CEP192: variants seen among roughly 807,000 people sequenced by gnomAD.
The protein encoded by CEP192 is centrosomal protein 192.
CEP192 carries 151 observed loss-of-function variants against 271.8 expected under a neutral mutation model. The observed-to-expected ratio is 0.56, with a 90% CI of 0.49 to 0.64. CEP192 has a LOEUF of 0.64. Ranked by LOEUF, CEP192 falls within the 30% of genes least tolerant of loss-of-function variation. CEP192 has a pLI of 0.00. For synonymous variants in CEP192, 995 were observed against 1,076.5 expected (o/e 0.92, Z 1.48); for missense variants, 2,910 against 3,020.5 (o/e 0.96, Z 0.86).
In CEP192 at chr18:13,092,397, C is replaced by T. The variant is rs766216559; in HGVS notation, c.6124C>T (p.Pro2042Ser). 9 of 1,599,864 alleles carry T rather than the reference C, an allele frequency of 5.6e-6. No homozygotes were observed. The South Asian group carries it at 1.0e-4, about 18-fold the overall frequency. ...VTEVYDLPQR[P>S]NDVQLFYGSM... Reference sequence around the variant, plus strand: ...TTCAGTATATGATCTTCCCCAACGACCTAATGATGTTCAGCTCTTTTATGG... The same window carrying T: ...TTCAGTATATGATCTTCCCCAACGATCTAATGATGTTCAGCTCTTTTATGG... The change falls in exon 34 of 45, where the codon CCT becomes TCT. Residue 2042 changes from proline to serine, a missense_variant. Physicochemically the swap from Pro to Ser is moderately conservative, Grantham distance 74. Coordinates refer to ENST00000506447, the MANE Select transcript of CEP192 (RefSeq NM_032142.4).
At chr18:13,054,764 A>G (rs2036990717) in intron 18 of CEP192, among the ~76,000 whole-genome samples, 1 of 152,228 alleles carries the variant, frequency 6.6e-6, no homozygotes, top group Non-Finnish European at 1.5e-5. Context: ...AGCTTTGGCC[A>G]GGAGAAATTT....
At chr18:12,995,358 C>G (rs1047516550) in intron 1 of CEP192, among the ~76,000 whole-genome samples, 6 of 152,096 alleles carry the variant, frequency 3.9e-5, no homozygotes, top group African/African-American at 1.4e-4. Context: ...GCCACCACGC[C>G]CGGCCTCATG....
At chr18:13,121,031 C>A (rs2040633707) in intron 44 of CEP192, among the ~76,000 whole-genome samples, 1 of 152,184 alleles carries the variant, frequency 6.6e-6, no homozygotes, top group African/African-American at 2.4e-5. Flanking sequence ...AGTGACAGTT[C>A]TTACCACAGA....
chr18:13,023,048 T>G (rs188902783), intron 9 of CEP192, among the ~76,000 whole-genome samples: 1 of 152,316 alleles, frequency 6.6e-6, no homozygotes, highest in East Asian at 1.9e-4. Context: ...GCTGTCATCT[T>G]TTATTAGTTC....
At chr18:13,044,763 A>G (rs2036386994) in intron 15 of CEP192, among the ~76,000 whole-genome samples, 1 of 152,044 alleles carries the variant, frequency 6.6e-6, no homozygotes, top group African/African-American at 2.4e-5. Flanking sequence ...TCTTTCTTAT[A>G]ATGTTCTTGT....
At chr18:12,999,655 C>G in intron 2 of CEP192, 67 bp downstream of exon 2, 1 of 1,177,192 alleles carries the variant, frequency 8.5e-7, no homozygotes, top group Non-Finnish European at 1.1e-6. Flanking sequence ...TATTTATGTT[C>G]TGTTTCTCAG....
intron 11 of CEP192, among the ~76,000 whole-genome samples, chr18:13,035,398 C>T (rs542861077): frequency 1.4e-4 from 21 of 152,248 alleles, no homozygotes; most frequent in Admixed American, 1.0e-3. Flanking sequence ...CAAAAGGCAC[C>T]TCTTACATGG....
At chr18:12,992,484 G>A (rs767458801) in intron 1 of CEP192, among the ~76,000 whole-genome samples, 31 of 152,062 alleles carry the variant, frequency 2.0e-4, no homozygotes, top group Admixed American at 6.5e-5. Context: ...TGAAATTTGA[G>A]GTCACTACTT....
At chr18:13,010,863 G>T (rs546376246) in intron 4 of CEP192, among the ~76,000 whole-genome samples, 25 of 151,206 alleles carry the variant, frequency 1.7e-4, no homozygotes, top group African/African-American at 6.1e-4. Context: ...AAAAAAAAAA[G>T]TTGTACAAAT....
At chr18:12,991,927 G>T (rs1402128051) in intron 1 of CEP192, among the ~76,000 whole-genome samples, 1 of 151,972 alleles carries the variant, frequency 6.6e-6, no homozygotes, top group Non-Finnish European at 1.5e-5. Flanking sequence ...TTAACTTAAT[G>T]CCCTTGTCTT....
intron 30 of CEP192, among the ~76,000 whole-genome samples, chr18:13,078,627 TTTGTTG>T (rs376534007): frequency 2.1e-3 from 317 of 152,074 alleles, no homozygotes; most frequent in African/African-American, 4.0e-3. Context: ...TCGCCATTCT[TTTGTTG>T]TTGTTGTTGT....
chr18:12,996,475 G>T (rs2033248386), intron 1 of CEP192, among the ~76,000 whole-genome samples: 1 of 152,152 alleles, frequency 6.6e-6, no homozygotes, highest in South Asian at 2.1e-4. Flanking sequence ...TGGAAGTGTT[G>T]TGGAGGCGGT....
At chr18:13,093,956 A>G (rs1156392163) in intron 34 of CEP192, among the ~76,000 whole-genome samples, 2 of 152,208 alleles carry the variant, frequency 1.3e-5, no homozygotes, top group African/African-American at 2.4e-5. Context: ...AAAAGGAGAA[A>G]ATAGATTGCA....
At chr18:13,055,318 A>G (rs2037032038) in intron 18 of CEP192, among the ~76,000 whole-genome samples, 1 of 151,944 alleles carries the variant, frequency 6.6e-6, no homozygotes, top group Non-Finnish European at 1.5e-5. Context: ...TGAATCTTCA[A>G]GCCCAGGCAG....
intron 3 of CEP192, among the ~76,000 whole-genome samples, chr18:13,006,975 A>G (rs984595413): frequency 5.9e-5 from 9 of 152,098 alleles, no homozygotes; most frequent in African/African-American, 1.7e-4. Flanking sequence ...TGCTCCTGCC[A>G]TGCTTCATGC....
At position 13,015,352 on chromosome 18, in the gene CEP192, CA is replaced by C; in HGVS notation, c.545del (p.His182LeufsTer7). 1 of 1,550,284 alleles carries C rather than the reference CA, an allele frequency of 6.5e-7. No individual in the cohort carries two copies. Among genetic ancestry groups the C allele is most frequent in the Non-Finnish European group, 8.7e-7 (1 of 1,146,558 alleles). ...PKIVVLDAGK[H>X]FEDKTLKSDL... is the part of the protein sequence containing the mutation. ...GATTGTTGTGCTTGATGCTGGAAAA[CA>C]TTTTGAAGACAAGACTCTAAAGAGT... is the stretch of plus-strand genomic sequence containing the variant. On this transcript the variant is annotated frameshift_variant, in exon 6 of 45. Coordinates refer to ENST00000506447, the MANE Select transcript of CEP192 (RefSeq NM_032142.4). LOFTEE classifies it high-confidence loss of function.
chr18:13,054,912 C>G (rs1005604950), intron 18 of CEP192, among the ~76,000 whole-genome samples: 1 of 152,126 alleles, frequency 6.6e-6, no homozygotes, highest in Non-Finnish European at 1.5e-5. Context: ...GGACATTTAC[C>G]AGGACTGTTA....
rs1044619766 is a variant in CEP192 at position 13,056,202 on chromosome 18, G to C, written c.3612G>C (p.Lys1204Asn). The C allele has an allele frequency of 1.2e-6, 2 of 1,614,070 alleles. No homozygotes were observed. Among genetic ancestry groups the C allele is most frequent in the Non-Finnish European group, 8.5e-7 (1 of 1,179,988 alleles). Residue 1204 changes from lysine to asparagine, a missense_variant, in exon 19 of 45, where the codon AAG becomes AAC. Coordinates refer to ENST00000506447, the MANE Select transcript of CEP192 (RefSeq NM_032142.4). ...DEDQRISPKD[K>N]STAGREFSGQ... is the part of the protein sequence containing the mutation. ...ATCAAAGAATAAGTCCTAAAGATAAGTCAACTGCTGGCCGTGAGTTCAGTG... is the reference window on the plus strand; with the variant it reads ...ATCAAAGAATAAGTCCTAAAGATAACTCAACTGCTGGCCGTGAGTTCAGTG...
intron 36 of CEP192, among the ~76,000 whole-genome samples, chr18:13,097,644 CTA>C (rs1213102204): frequency 1.5e-5 from 2 of 132,876 alleles, no homozygotes; most frequent in East Asian, 2.3e-4. Context: ...TTTTTTTTAA[CTA>C]TTATTTTTTT....
Sources: gnomAD v4.1 joint callset for allele counts (sites outside exome capture counted in the v4.1 genomes callset) on GRCh38, gnomAD v4.1.1 for gene constraint, MANE v1.5 for transcripts, NCBI Gene and HGNC (gene_info 2026-07-23, HGNC 2026-07-21) for gene names.